Variants in PPARA observed in about 807,000 individuals in gnomAD.
PPARA encodes the protein peroxisome proliferator-activated receptor alpha.
A neutral mutation model predicts 42.2 loss-of-function variants in PPARA; 22 were observed. The ratio of observed to expected loss-of-function variants is 0.52; its 90% CI spans 0.37 to 0.74. PPARA has a LOEUF of 0.74. PPARA is among the 30% of genes least tolerant of loss of function. The pLI, the probability that PPARA is intolerant of heterozygous loss-of-function variation, is 0.00. For synonymous variants in PPARA, 242 were observed against 239.3 expected (o/e 1.01, Z -0.10); for missense variants, 465 against 608.2 (o/e 0.76, Z 2.48).
intron 4 of PPARA, among the ~76,000 whole-genome samples, chr22:46,202,011 T>G (rs2147418899): frequency 6.6e-6 from 1 of 152,310 alleles, no homozygotes; most frequent in Middle Eastern, 3.4e-3. Flanking sequence ...AGTTCAGAGA[T>G]ACACTTTTTT....
Position 46,160,411 on chromosome 22 carries a change from C to T in PPARA, c.-127+8441C>T, listed in dbSNP as rs181572258. Among the ~76,000 whole-genome samples the T allele has an allele frequency of 2.6e-5, 4 of 152,200 alleles. No individual in the cohort carries two copies. In the East Asian group the frequency reaches 7.7e-4, roughly 29 times the overall value. ...TCCTGGGTTCAAGCGATTCTCCTGCCTCAGCCTCCTACATAGCTGGTACTA... is the reference window on the plus strand; with the variant it reads ...TCCTGGGTTCAAGCGATTCTCCTGCTTCAGCCTCCTACATAGCTGGTACTA... On this transcript the variant is annotated intron_variant, in intron 2 of 8. Transcript: ENST00000407236. This position sits in a 1 kb window ranked among gnomAD's most constrained non-coding sequence, Gnocchi z 4.5.
chr22:46,156,405 C>T lies in PPARA; in HGVS notation c.-127+4435C>T, dbSNP rs1046034265. 2 of 152,158 alleles carry T rather than the reference C, an allele frequency of 1.3e-5. No individual in the cohort carries two copies. The highest frequency in any genetic ancestry group is 2.9e-5 in the Non-Finnish European group (2 of 68,028). 9.4% of individuals were successfully genotyped at this position (152,158 alleles called of 1,614,324 possible). ...AGGTGTCTTAAGAAGGAGGACATAC[C>T]GCTGGCTCCTGCCTTTCTCACTTAG... On this transcript the variant is annotated intron_variant, in intron 2 of 8. Transcript: ENST00000407236. This position sits in a 1 kb window ranked among gnomAD's most constrained non-coding sequence, Gnocchi z 5.2.
chr22:46,157,700 G>A (rs1387541217), intron 2 of PPARA, among the ~76,000 whole-genome samples: 2 of 152,212 alleles, frequency 1.3e-5, no homozygotes, highest in Admixed American at 6.5e-5. Context: ...TATGGTGAAA[G>A]GGAAGTGAGG....
chr22:46,202,187 C>T (rs1011488208), intron 4 of PPARA, among the ~76,000 whole-genome samples: 2 of 152,146 alleles, frequency 1.3e-5, no homozygotes, highest in Non-Finnish European at 2.9e-5. Context: ...ACACAGGACC[C>T]CTTATTCTGT....
rs1183322327 is a variant in PPARA, at chr22:46,205,538, A to G, written c.208+6947A>G. Among the ~76,000 whole-genome samples the G allele has an allele frequency of 9.8e-5, 3 of 30,690 alleles. 1 individual carries two copies. Among genetic ancestry groups the G allele is most frequent in the African/African-American group, 4.8e-4 (3 of 6,268 alleles). The allele number at this position is 30,690 out of a possible 152,430, so 20.1% of individuals were successfully genotyped here. A position where few individuals can be genotyped will look rare whatever the true frequency, so the allele number is the denominator to read the frequency against. ...CCCAGCCATATATATATATATATAT[A>G]TATATATATATATATATTTTTTTTT... On this transcript the variant is annotated intron_variant, in intron 4 of 8. Transcript: ENST00000407236.
chr22:46,207,893 C>G (rs1933548990), intron 4 of PPARA, among the ~76,000 whole-genome samples: 2 of 151,188 alleles, frequency 1.3e-5, no homozygotes, highest in Non-Finnish European at 2.9e-5. Flanking sequence ...CTATGTTGAC[C>G]AGGCTCCTCT....
intron 1 of PPARA, among the ~76,000 whole-genome samples, chr22:46,151,350 G>A (rs1924394933): frequency 6.6e-6 from 1 of 152,208 alleles, no homozygotes; most frequent in Non-Finnish European, 1.5e-5. Flanking sequence ...GTCGCTCCCG[G>A]TCGGGGCCGC....
rs149116361 is a variant in PPARA at position 46,169,241 on chromosome 22, A to G, written c.-126-7512A>G. Among the ~76,000 whole-genome samples, 56 of 151,686 alleles carry G rather than the reference A, an allele frequency of 3.7e-4. 2 individuals are homozygous for G. The Middle Eastern group carries it at 0.021, about 56-fold the overall frequency. On this transcript the variant is annotated intron_variant, in intron 2 of 8. Transcript: ENST00000407236. ...CAGTGGCAACAAATGTACCTCACCA[A>G]TGCAAGATGTTTGTTTGTTGTTTGT...
rs996943779 is a variant in PPARA, at chr22:46,243,670, C to T, written c.*8290C>T. The T allele has an allele frequency of 2.0e-5, 3 of 152,560 alleles. No homozygotes were observed. Among genetic ancestry groups the T allele is most frequent in the Non-Finnish European group, 4.4e-5 (3 of 68,034 alleles). The allele number at this position is 152,560 out of a possible 1,614,324, so 9.5% of individuals were successfully genotyped here. ...GAACTTCTGTGTTTGGGATGTCCTACTGTAAGACTGATGAATGTACAGAGT... is the reference window on the plus strand; with the variant it reads ...GAACTTCTGTGTTTGGGATGTCCTATTGTAAGACTGATGAATGTACAGAGT... On this transcript the variant is annotated 3_prime_UTR_variant, in exon 9 of 9. Coordinates refer to ENST00000407236, the MANE Select transcript of PPARA (RefSeq NM_005036.6). This position sits in a 1 kb window ranked among gnomAD's most constrained non-coding sequence, Gnocchi z 5.0.
chr22:46,238,347 G>A lies in PPARA; in HGVS notation c.*2967G>A, dbSNP rs1179299550. 6.6e-6 allele frequency: 1 copy of A among 152,170 alleles called. No individual in the cohort carries two copies. The highest frequency in any genetic ancestry group is 1.5e-5 in the Non-Finnish European group (1 of 68,032). 9.4% of individuals were successfully genotyped at this position (152,170 alleles called of 1,614,324 possible). ...CAATACTCAAATATAGGCTGATTAT[G>A]CCCCAGTTCAAATGGGAACTATTAA... On this transcript the variant is annotated 3_prime_UTR_variant, in exon 9 of 9. Transcript: ENST00000407236. This position sits in a 1 kb window ranked among gnomAD's most constrained non-coding sequence, Gnocchi z 8.3.
At position 46,160,733 on chromosome 22, in the gene PPARA, T is replaced by G. The variant is rs143728871; in HGVS notation, c.-127+8763T>G. On this transcript the variant is annotated intron_variant, in intron 2 of 8. Coordinates refer to ENST00000407236, the MANE Select transcript of PPARA (RefSeq NM_005036.6). The surrounding 1 kb of genome is among the most constrained non-coding windows in gnomAD (Gnocchi z 4.5). ...CTCCCTCCTCAGCCTCCTGAGCAGC[T>G]GGGACTACAGGTGCACACCACCACA... is the stretch of plus-strand genomic sequence containing the variant. 6.6e-6 allele frequency among the ~76,000 whole-genome samples: 1 copy of G among 152,194 alleles called. No individual in the cohort carries two copies. Among genetic ancestry groups the G allele is most frequent in the African/African-American group, 2.4e-5 (1 of 41,452 alleles).
Position 46,239,970 on chromosome 22 carries a change from T to C in PPARA, c.*4590T>C. 2.5e-6 allele frequency: 1 copy of C among 392,962 alleles called. No homozygotes were observed. 24.3% of individuals were successfully genotyped at this position (392,962 alleles called of 1,614,324 possible). ...TGGCCACACCTGTCTTTGAAATGTC[T>C]CACTGAACTCCAGTTTTAAAATAGA... On this transcript the variant is annotated 3_prime_UTR_variant, in exon 9 of 9. Transcript: ENST00000407236.
In PPARA at chr22:46,231,516, C is replaced by T. The variant is rs1258252391; in HGVS notation, c.712-276C>T. ...GATTACAGGCGTGAGCCACCATGCC[C>T]AGCCCAGTACTTCAGTTTCTTAGCG... On this transcript the variant is annotated intron_variant, in intron 7 of 8. Coordinates refer to ENST00000407236, the MANE Select transcript of PPARA (RefSeq NM_005036.6). This position sits in a 1 kb window ranked among gnomAD's most constrained non-coding sequence, Gnocchi z 7.7. 6.6e-6 allele frequency among the ~76,000 whole-genome samples: 1 copy of T among 152,164 alleles called. No individual in the cohort carries two copies.
chr22:46,235,313 T>G lies in PPARA; in HGVS notation c.1340T>G (p.Ile447Ser), dbSNP rs374529626. Residue 447 changes from isoleucine to serine, a missense_variant, in exon 9 of 9, where the codon ATC (isoleucine) becomes AGC (serine). This residue lies in a region of PPARA where 313 missense variants were observed against 469.1 expected (regional missense o/e 0.67). Coordinates refer to ENST00000407236, the MANE Select transcript of PPARA (RefSeq NM_005036.6). This position sits in a 1 kb window ranked among gnomAD's most constrained non-coding sequence, Gnocchi z 7.0. ...VTEHAQLVQIIKKTESDAALH... is the reference protein window; with the variant it reads ...VTEHAQLVQISKKTESDAALH... The stretch of plus-strand genomic sequence containing the variant: ...GAGCATGCGCAGCTGGTGCAGATCA[T>G]CAAGAAGACGGAGTCGGATGCTGCG... 6.2e-7 allele frequency: 1 copy of G among 1,614,088 alleles called. No homozygotes were observed. Among genetic ancestry groups the G allele is most frequent in the Non-Finnish European group, 8.5e-7 (1 of 1,180,030 alleles).
Position 46,227,157 on chromosome 22 carries a change from G to A in PPARA, c.712-4635G>A, listed in dbSNP as rs1234072561. ...TTAAAAAATGTGCTTCATATTTTAT[G>A]CCATTTCTACAAATGTATAGTAAAA... is the stretch of plus-strand genomic sequence containing the variant. On this transcript the variant is annotated intron_variant, in intron 7 of 8. Transcript: ENST00000407236. The surrounding 1 kb of genome is among the most constrained non-coding windows in gnomAD (Gnocchi z 4.3). Among the ~76,000 whole-genome samples, 1 of 130,866 alleles carries A rather than the reference G, an allele frequency of 7.6e-6. No individual in the cohort carries two copies. Among genetic ancestry groups the A allele is most frequent in the Non-Finnish European group, 1.6e-5 (1 of 61,556 alleles). The allele number at this position is 130,866 out of a possible 152,430, so 85.9% of individuals were successfully genotyped here.
At position 46,218,287 on chromosome 22, in the gene PPARA, C is replaced by A. The variant is rs1413213235; in HGVS notation, c.394C>A (p.Leu132Ile). 1.2e-6 allele frequency: 2 copies of A among 1,614,036 alleles called. No homozygotes were observed. Among genetic ancestry groups the A allele is most frequent in the Admixed American group, 3.3e-5 (2 of 59,992 alleles). Reference sequence around the variant, plus strand: ...GGGCTTCTTTCGGCGAACGATTCGACTCAAGCTGGTGTATGACAAGTGCGA... The same window carrying A: ...GGGCTTCTTTCGGCGAACGATTCGAATCAAGCTGGTGTATGACAAGTGCGA... ...CKGFFRRTIR[L>I]KLVYDKCDRS... Residue 132 changes from leucine (L) to isoleucine (I), a missense_variant, in exon 6 of 9, where the codon CTC (leucine) becomes ATC (isoleucine). Around this residue, in one of 2 missense-constraint regions of PPARA, gnomAD observed 313 missense variants for 469.1 expected, o/e 0.67. Coordinates refer to ENST00000407236, the MANE Select transcript of PPARA (RefSeq NM_005036.6).
At position 46,224,362 on chromosome 22, in the gene PPARA, G is replaced by A. The variant is rs191170474; in HGVS notation, c.711+4348G>A. Among the ~76,000 whole-genome samples the A allele has an allele frequency of 8.5e-5, 13 of 152,354 alleles. 2 individuals are homozygous for A. Among genetic ancestry groups the A allele is most frequent in the Admixed American group, 7.8e-4 (12 of 15,300 alleles). ...CAGGCCACACTGCCTGAATCTATTG[G>A]CAGAGCTCTGGTTTTGTGGCCAAGG... On this transcript the variant is annotated intron_variant, in intron 7 of 8. Transcript: ENST00000407236. This position sits in a 1 kb window ranked among gnomAD's most constrained non-coding sequence, Gnocchi z 5.7.
rs551908087 is a variant in PPARA at position 46,161,213 on chromosome 22, C to T, written c.-127+9243C>T. Among the ~76,000 whole-genome samples, 21 of 152,230 alleles carry T rather than the reference C, an allele frequency of 1.4e-4. No individual in the cohort carries two copies. Among genetic ancestry groups the T allele is most frequent in the African/African-American group, 4.1e-4 (17 of 41,544 alleles). Reference sequence around the variant, plus strand: ...AGACTCTTTTTGGAATGAATGAATTCAAATGTGGGCTTTCTTAGTAGATTA... The same window carrying T: ...AGACTCTTTTTGGAATGAATGAATTTAAATGTGGGCTTTCTTAGTAGATTA... On this transcript the variant is annotated intron_variant, in intron 2 of 8. Transcript: ENST00000407236. The surrounding 1 kb of genome is among the most constrained non-coding windows in gnomAD (Gnocchi z 4.8).
At position 46,231,088 on chromosome 22, in the gene PPARA, C is replaced by A. The variant is rs62226991; in HGVS notation, c.712-704C>A. Among the ~76,000 whole-genome samples, 1 of 152,022 alleles carries A rather than the reference C, an allele frequency of 6.6e-6. No homozygotes were observed. The highest frequency in any genetic ancestry group is 1.5e-5 in the Non-Finnish European group (1 of 68,008). On this transcript the variant is annotated intron_variant, in intron 7 of 8. Transcript: ENST00000407236. The surrounding 1 kb of genome is among the most constrained non-coding windows in gnomAD (Gnocchi z 7.7). The stretch of plus-strand genomic sequence containing the variant: ...AGACGGAGTCTTACTCTCGCTCTGT[C>A]GCCCAGACTGGAGACTGGAGTGCAG...
Sources: gnomAD v4.1 joint callset for allele counts (sites outside exome capture counted in the v4.1 genomes callset) on GRCh38, gnomAD v4.1.1 for gene constraint, gnomAD v4.1.1 regional missense constraint, Gnocchi (gnomAD v3.1) non-coding constraint, MANE v1.5 for transcripts, NCBI Gene and HGNC (gene_info 2026-07-23, HGNC 2026-07-21) for gene names.